ASCC3: variants seen among roughly 807,000 people sequenced by gnomAD.
The protein encoded by ASCC3 is activating signal cointegrator 1 complex subunit 3, also known as ASC-1 complex subunit P200.
ASCC3 carries 158 observed loss-of-function variants against 256.3 expected under a neutral mutation model. That is an observed-to-expected ratio of 0.62 (90% CI 0.54 to 0.70). ASCC3 has a LOEUF of 0.70. Ranked by LOEUF, ASCC3 falls within the 30% of genes least tolerant of loss-of-function variation. The pLI is 0.00. For missense variants in ASCC3, 2,259 were observed against 2,626.0 expected (o/e 0.86, Z 3.05); for synonymous variants, 948 against 883.4 (o/e 1.07, Z -1.30).
intron 1 of ASCC3, among the ~76,000 whole-genome samples, chr6:100,876,360 A>G (rs1774004023): frequency 6.6e-6 from 1 of 152,184 alleles, no homozygotes; most frequent in African/African-American, 2.4e-5. Context: ...CAATAATAGA[A>G]GAAATATTTT....
chr6:100,642,509 A>G lies in ASCC3; in HGVS notation c.3901+72T>C, dbSNP rs942588351. On this transcript the variant is annotated intron_variant, in intron 24 of 41. Coordinates refer to ENST00000369162, the MANE Select transcript of ASCC3 (RefSeq NM_006828.4). Reference sequence around the variant, plus strand: ...CAAGTAAAACTTTATTACGGTGTAGACATTTTTCAACATTAATTAAAACAA... The same window carrying G: ...CAAGTAAAACTTTATTACGGTGTAGGCATTTTTCAACATTAATTAAAACAA... The G allele has an allele frequency of 2.7e-6, 4 of 1,481,714 alleles. No individual in the cohort carries two copies. The African/African-American group carries it at 5.5e-5, about 21-fold the overall frequency. The allele number at this position is 1,481,714 out of a possible 1,614,324, so 91.8% of individuals were successfully genotyped here.
At chr6:100,588,466 T>A (rs1771820358) in intron 36 of ASCC3, among the ~76,000 whole-genome samples, 1 of 152,158 alleles carries the variant, frequency 6.6e-6, no homozygotes, top group African/African-American at 2.4e-5. Context: ...CTGATATAAA[T>A]CTCATTCTTA....
chr6:100,858,726 A>G (rs533115596), intron 3 of ASCC3: 11 of 1,068,888 alleles, frequency 1.0e-5, no homozygotes, highest in Non-Finnish European at 1.3e-5. Context: ...ACCACTATAT[A>G]TACTGCAGTA....
intron 16 of ASCC3, among the ~76,000 whole-genome samples, chr6:100,658,678 T>C (rs1334571157): frequency 6.6e-6 from 1 of 151,398 alleles, no homozygotes; most frequent in Non-Finnish European, 1.5e-5. Flanking sequence ...TACAAGTGAA[T>C]AGAATAACAA....
intron 23 of ASCC3, 149 bp downstream of exon 23, chr6:100,643,882 C>T: frequency 5.0e-6 from 3 of 598,936 alleles, no homozygotes; most frequent in Non-Finnish European, 8.7e-6. Context: ...AACATTTAAT[C>T]ACTGTATTCT....
intron 34 of ASCC3, among the ~76,000 whole-genome samples, chr6:100,593,753 C>G (rs573478187): frequency 6.6e-6 from 1 of 152,004 alleles, no homozygotes; most frequent in Non-Finnish European, 1.5e-5. Context: ...ACACAAATAG[C>G]GAAAGTGGTT....
intron 8 of ASCC3, among the ~76,000 whole-genome samples, chr6:100,786,283 A>G (rs1317901387): frequency 2.0e-5 from 3 of 152,156 alleles, no homozygotes; most frequent in Non-Finnish European, 4.4e-5. Context: ...TGCTCATGGT[A>G]TGTCATTATA....
intron 25 of ASCC3, among the ~76,000 whole-genome samples, chr6:100,634,101 T>A (rs1461200895): frequency 6.6e-6 from 1 of 152,190 alleles, no homozygotes; most frequent in African/African-American, 2.4e-5. Context: ...ATTTCTTGTT[T>A]TACTTTTTAT....
intron 37 of ASCC3, among the ~76,000 whole-genome samples, chr6:100,529,265 T>C (rs771020967): frequency 2.0e-5 from 3 of 152,190 alleles, no homozygotes; most frequent in Non-Finnish European, 2.9e-5. Context: ...CTTCTCCCTA[T>C]GGATCAACAA....
chr6:100,574,955 C>CT lies in ASCC3; in HGVS notation c.5550+14678dup, dbSNP rs375268697. ...GAGACCCAGAGAAGTAGAAAGATAC[C>CT]TTTTTTCAAGACAGTTGCCATCTGT... On this transcript the variant is annotated intron_variant, in intron 36 of 41. Transcript: ENST00000369162. 1.5e-3 allele frequency among the ~76,000 whole-genome samples: 228 copies of CT among 151,898 alleles called. 3 individuals carry two copies. Among genetic ancestry groups the CT allele is most frequent in the African/African-American group, 5.3e-3 (218 of 41,448 alleles).
chr6:100,522,460 G>T (rs1483931267), intron 37 of ASCC3, among the ~76,000 whole-genome samples: 2 of 152,106 alleles, frequency 1.3e-5, no homozygotes, highest in Non-Finnish European at 2.9e-5. Context: ...TTTAAGTGAG[G>T]TGCTACTATG....
Position 100,767,144 on chromosome 6 carries a change from C to A in ASCC3, c.1596+1G>T, listed in dbSNP as rs145890655. On this transcript the variant is annotated splice_donor_variant, in intron 9 of 41. Coordinates refer to ENST00000369162, the MANE Select transcript of ASCC3 (RefSeq NM_006828.4). LOFTEE classifies it high-confidence loss of function. ...AGCTGTTGTCTGATTTATTTACTTA[C>A]CTTAAATTCATTCTTTTTGATAACA... The A allele has an allele frequency of 2.4e-4, 387 of 1,612,944 alleles. 1 individual carries two copies. The African/African-American group carries it at 3.7e-3, about 15-fold the overall frequency.
chr6:100,585,138 T>C (rs1291964177), intron 36 of ASCC3, among the ~76,000 whole-genome samples: 1 of 152,210 alleles, frequency 6.6e-6, no homozygotes, highest in Non-Finnish European at 1.5e-5. Flanking sequence ...CCTTGCTAGA[T>C]TGGGGAAGTT....
At chr6:100,605,028 T>G (rs1032073406) in intron 33 of ASCC3, among the ~76,000 whole-genome samples, 3 of 152,140 alleles carry the variant, frequency 2.0e-5, no homozygotes, top group African/African-American at 7.2e-5. Flanking sequence ...AGGTATAGGA[T>G]GATTCTCAAA....
At chr6:100,550,980 G>T (rs1160657254) in intron 36 of ASCC3, among the ~76,000 whole-genome samples, 1 of 151,880 alleles carries the variant, frequency 6.6e-6, no homozygotes, top group East Asian at 1.9e-4. Context: ...GTTAATCTAA[G>T]TTTAATAAGT....
At chr6:100,831,317 T>A in intron 4 of ASCC3, among the ~76,000 whole-genome samples, 1 of 149,972 alleles carries the variant, frequency 6.7e-6, no homozygotes. Flanking sequence ...AATGCAACTC[T>A]TCTGGTTAAA....
At chr6:100,808,849 G>A (rs1770317721) in intron 4 of ASCC3, among the ~76,000 whole-genome samples, 1 of 151,856 alleles carries the variant, frequency 6.6e-6, no homozygotes. Flanking sequence ...ATATGGTGTA[G>A]CCTATTTATC....
At position 100,627,955 on chromosome 6, in the gene ASCC3, C is replaced by T. The variant is rs754996334; in HGVS notation, c.4408G>A (p.Val1470Ile). 1.2e-5 allele frequency: 20 copies of T among 1,613,486 alleles called. No individual in the cohort carries two copies. The highest frequency in any genetic ancestry group is 1.7e-4 in the Middle Eastern group (1 of 6,060). Residue 1470 changes from valine to isoleucine, a missense_variant, in exon 28 of 42, where the codon GTA becomes ATA. Transcript: ENST00000369162. ...EERGPVLEVI[V>I]SRTNFISSHT... Reference sequence around the variant, plus strand: ...GATGAGATAAAATTTGTTCGAGATACAATGACCTCTAGAACAGGGCCTCTT... The same window carrying T: ...GATGAGATAAAATTTGTTCGAGATATAATGACCTCTAGAACAGGGCCTCTT...
rs569064638 is a variant in ASCC3, at chr6:100,590,125, T to C, written c.5304-66A>G. On this transcript the variant is annotated intron_variant, in intron 34 of 41. Coordinates refer to ENST00000369162, the MANE Select transcript of ASCC3 (RefSeq NM_006828.4). ...TTTTCTACTAAAACTATCACCTCAG[T>C]TTCACAGAATATATATAAATATAAT... is the stretch of plus-strand genomic sequence containing the variant. The C allele has an allele frequency of 2.9e-6, 3 of 1,019,800 alleles. No homozygotes were observed. In the East Asian group the frequency reaches 7.3e-5, roughly 25 times the overall value. The allele number at this position is 1,019,800 out of a possible 1,614,324, so 63.2% of individuals were successfully genotyped here.
Sources: gnomAD v4.1 joint callset for allele counts (sites outside exome capture counted in the v4.1 genomes callset) on GRCh38, gnomAD v4.1.1 for gene constraint, MANE v1.5 for transcripts, NCBI Gene and HGNC (gene_info 2026-07-23, HGNC 2026-07-21) for gene names.